The following GLRA3 variants were observed in gnomAD, a reference collection of about 807,000 sequenced individuals.
GLRA3 encodes glycine receptor subunit alpha-3.
In GLRA3, 44 loss-of-function variants were observed where a neutral mutation model predicts 60.4. The observed-to-expected ratio is 0.73, with a 90% CI of 0.57 to 0.94. GLRA3 has a LOEUF of 0.94. GLRA3 is among the 40% of genes least tolerant of loss of function. The pLI, the probability that GLRA3 is intolerant of heterozygous loss-of-function variation, is 0.00. For synonymous variants in GLRA3, 223 were observed against 192.9 expected (o/e 1.16, Z -1.29); for missense variants, 508 against 564.6 (o/e 0.90, Z 1.02).
At chr4:174,731,179 A>C (rs941174033) in intron 3 of GLRA3, among the ~76,000 whole-genome samples, 1 of 152,178 alleles carries the variant, frequency 6.6e-6, no homozygotes, top group African/African-American at 2.4e-5. Flanking sequence ...CCTGCAAATG[A>C]ACATTGAGAT....
intron 1 of GLRA3, among the ~76,000 whole-genome samples, chr4:174,816,246 T>C (rs578004408): frequency 6.6e-6 from 1 of 152,238 alleles, no homozygotes; most frequent in South Asian, 2.1e-4. Context: ...CAGTCTTCAG[T>C]GTGTGAGCTG....
chr4:174,659,844 C>T lies in GLRA3; in HGVS notation c.928-647G>A, dbSNP rs567464742. Among the ~76,000 whole-genome samples the T allele has an allele frequency of 3.1e-3, 473 of 151,720 alleles. 1 individual carries two copies. The highest frequency in any genetic ancestry group is 4.6e-3 in the Non-Finnish European group (314 of 67,932). On this transcript the variant is annotated intron_variant, in intron 7 of 9. Coordinates refer to ENST00000274093, the MANE Select transcript of GLRA3 (RefSeq NM_006529.4). Reference sequence around the variant, plus strand: ...AAAATTAGCCGGGTGTGGTGGCGGGCGCCTATAATCCCAGCTACTTGGGAG... The same window carrying T: ...AAAATTAGCCGGGTGTGGTGGCGGGTGCCTATAATCCCAGCTACTTGGGAG...
At chr4:174,729,967 A>C (rs545558044) in intron 3 of GLRA3, among the ~76,000 whole-genome samples, 16 of 152,304 alleles carry the variant, frequency 1.1e-4, no homozygotes, top group Non-Finnish European at 2.4e-4. Flanking sequence ...TTTGTACTGA[A>C]TGTTACAAAT....
Position 174,654,924 on chromosome 4 carries a change from A to G in GLRA3, c.1116+1819T>C, listed in dbSNP as rs60316068. Among the ~76,000 whole-genome samples, 251 of 152,256 alleles carry G rather than the reference A, an allele frequency of 1.6e-3. 3 individuals are homozygous for G. The highest frequency in any genetic ancestry group is 5.8e-3 in the African/African-American group (243 of 41,542). On this transcript the variant is annotated intron_variant, in intron 9 of 9. Transcript: ENST00000274093. ...AAGAGCAAACTTGTGTTCTTTCACAATAGATGCAGGATTCTCTGGTACCTT... is the reference window on the plus strand; with the variant it reads ...AAGAGCAAACTTGTGTTCTTTCACAGTAGATGCAGGATTCTCTGGTACCTT...
chr4:174,683,023 G>A (rs1734415877), intron 5 of GLRA3, 84 bp from the exon 6 acceptor site: 1 of 1,072,038 alleles, frequency 9.3e-7, no homozygotes, highest in Non-Finnish European at 1.4e-6. Context: ...AGTCACATAG[G>A]ATGAGAAGAC....
At chr4:174,778,695 G>T (rs910602422) in intron 2 of GLRA3, among the ~76,000 whole-genome samples, 13 of 152,322 alleles carry the variant, frequency 8.5e-5, no homozygotes, top group Admixed American at 6.5e-5. Flanking sequence ...TTCCCTTTCC[G>T]AGTCAAAGAA....
chr4:174,674,833 C>T (rs529820990), intron 7 of GLRA3, among the ~76,000 whole-genome samples: 1 of 152,104 alleles, frequency 6.6e-6, no homozygotes, highest in Admixed American at 6.6e-5. Context: ...TCTTAAGGTG[C>T]ACGGTCTCAC....
At chr4:174,650,605 G>C (rs1016493912) in intron 9 of GLRA3, among the ~76,000 whole-genome samples, 5 of 152,224 alleles carry the variant, frequency 3.3e-5, no homozygotes, top group Admixed American at 6.5e-5. Flanking sequence ...CCATATCTAG[G>C]CCTGAAATAC....
intron 3 of GLRA3, among the ~76,000 whole-genome samples, chr4:174,730,277 T>C (rs1479461451): frequency 6.6e-6 from 1 of 152,116 alleles, no homozygotes; most frequent in Non-Finnish European, 1.5e-5. Context: ...AGCTCCATGG[T>C]TGGTGGCCAG....
At chr4:174,691,967 C>A (rs1198856571) in intron 5 of GLRA3, among the ~76,000 whole-genome samples, 2 of 152,034 alleles carry the variant, frequency 1.3e-5, no homozygotes, top group African/African-American at 4.8e-5. Context: ...GCCCGGCCGC[C>A]CATCGTCTGA....
chr4:174,659,905 G>A (rs1733370937), intron 7 of GLRA3, among the ~76,000 whole-genome samples: 1 of 150,536 alleles, frequency 6.6e-6, no homozygotes, highest in South Asian at 2.1e-4. Context: ...CCAGGGGGCA[G>A]AGGTTGCAGT....
rs990256052 is a variant in GLRA3 at position 174,643,168 on chromosome 4, G to T, written c.*618C>A. On this transcript the variant is annotated 3_prime_UTR_variant, in exon 10 of 10. Transcript: ENST00000274093. ...ATCTCTTGTTATTTGTTTTAAATTTGCACAGAGGAAAACTTAATATTCTAA... is the reference window on the plus strand; with the variant it reads ...ATCTCTTGTTATTTGTTTTAAATTTTCACAGAGGAAAACTTAATATTCTAA... 8.1e-6 allele frequency: 7 copies of T among 860,712 alleles called. No homozygotes were observed. Among genetic ancestry groups the T allele is most frequent in the Non-Finnish European group, 8.4e-6 (6 of 717,142 alleles). 53.3% of individuals were successfully genotyped at this position (860,712 alleles called of 1,614,324 possible).
chr4:174,661,640 C>G (rs1322536823), intron 7 of GLRA3, among the ~76,000 whole-genome samples: 1 of 152,130 alleles, frequency 6.6e-6, no homozygotes, highest in Non-Finnish European at 1.5e-5. Context: ...CCAATGGCCC[C>G]ACTGGCCTTG....
At chr4:174,740,882 T>G (rs1736995681) in intron 3 of GLRA3, among the ~76,000 whole-genome samples, 1 of 152,224 alleles carries the variant, frequency 6.6e-6, no homozygotes, top group African/African-American at 2.4e-5. Flanking sequence ...TGAGTCTGGC[T>G]CTTTCTTGAC....
intron 1 of GLRA3, among the ~76,000 whole-genome samples, chr4:174,810,836 G>A (rs1286149165): frequency 6.6e-6 from 1 of 152,028 alleles, no homozygotes; most frequent in Non-Finnish European, 1.5e-5. Flanking sequence ...GCATTTCAGG[G>A]AAATAGTTTG....
chr4:174,804,331 A>G (rs542731957), intron 1 of GLRA3, among the ~76,000 whole-genome samples: 9 of 152,142 alleles, frequency 5.9e-5, no homozygotes, highest in Non-Finnish European at 8.8e-5. Context: ...CCAACCTAAT[A>G]ACAAATGAGG....
intron 5 of GLRA3, among the ~76,000 whole-genome samples, chr4:174,708,322 G>T (rs923870107): frequency 5.3e-5 from 8 of 152,094 alleles, no homozygotes; most frequent in East Asian, 1.9e-4. Context: ...ATGAATCTGA[G>T]AAATTAAATC....
At chr4:174,748,936 T>C (rs908296589) in intron 3 of GLRA3, among the ~76,000 whole-genome samples, 18 of 152,160 alleles carry the variant, frequency 1.2e-4, no homozygotes, top group African/African-American at 2.9e-4. Context: ...TTGTGGGAGA[T>C]TGAGACAAAG....
chr4:174,671,256 T>C (rs1410308369), intron 7 of GLRA3, among the ~76,000 whole-genome samples: 1 of 152,166 alleles, frequency 6.6e-6, no homozygotes, highest in Non-Finnish European at 1.5e-5. Context: ...TTAAATGGTT[T>C]GGACCAAAAT....
Sources: allele counts gnomAD v4.1 joint callset (sites outside exome capture counted in the v4.1 genomes callset), GRCh38; gene constraint gnomAD v4.1.1; transcripts MANE v1.5; gene names NCBI Gene and HGNC (gene_info 2026-07-23, HGNC 2026-07-21).